The following RPS6KA3 variants were observed in gnomAD, a reference collection of about 807,000 sequenced individuals.
RPS6KA3 encodes ribosomal protein S6 kinase alpha-3.
RPS6KA3 carries 4 observed loss-of-function variants against 67.2 expected under a neutral mutation model. The ratio of observed to expected loss-of-function variants is 0.06; its 90% CI spans 0.03 to 0.14. The LOEUF (loss-of-function observed/expected upper bound fraction) is 0.14. Among genes scored for constraint, RPS6KA3 ranks in the 10% least tolerant of loss-of-function variants. The pLI is 1.00. For missense variants in RPS6KA3, 204 were observed against 559.0 expected, an observed-to-expected ratio of 0.36 and a Z score of 6.40; for synonymous variants, 182 against 183.7, an observed-to-expected ratio of 0.99 and a Z score of 0.07.
chrX:20,254,162 G>A (rs942416449), intron 1 of RPS6KA3, among the ~76,000 whole-genome samples: 9 of 111,681 alleles, frequency 8.1e-5, no homozygotes, highest in African/African-American at 2.6e-4. Context: ...ACCTGTATAC[G>A]TTACTTCACT....
At chrX:20,231,277 A>T (rs186492262) in intron 2 of RPS6KA3, among the ~76,000 whole-genome samples, 5 of 112,158 alleles carry the variant, frequency 4.5e-5, no homozygotes, top group African/African-American at 1.6e-4. Context: ...TAAAATTTTG[A>T]TAAAGAATGT....
At chrX:20,238,085 TTATCTTTTCTAGA>T (rs1306800676) in intron 1 of RPS6KA3, among the ~76,000 whole-genome samples, 30 of 111,559 alleles carry the variant, frequency 2.7e-4, no homozygotes, top group African/African-American at 9.7e-4. Context: ...ACCCTGAAAC[TTATCTTTTCTAGA>T]TAACTTAAGT....
At chrX:20,178,407 A>G (rs1480220990) in intron 10 of RPS6KA3, among the ~76,000 whole-genome samples, 1 of 110,419 alleles carries the variant, frequency 9.1e-6, no homozygotes, top group Non-Finnish European at 1.9e-5. Context: ...TATTTATTAT[A>G]TCCCCCTATT....
At chrX:20,171,445 G>C (rs2148656625) in intron 15 of RPS6KA3, among the ~76,000 whole-genome samples, 1 of 112,022 alleles carries the variant, frequency 8.9e-6, no homozygotes, top group Non-Finnish European at 1.9e-5. Context: ...GCTAATTTAA[G>C]AGATGACCTG....
intron 2 of RPS6KA3, among the ~76,000 whole-genome samples, chrX:20,217,376 T>C (rs1216793390): frequency 8.9e-6 from 1 of 112,954 alleles, no homozygotes; most frequent in Non-Finnish European, 1.9e-5. Flanking sequence ...ATCGAAAACC[T>C]AATATTGTAA....
At chrX:20,264,877 T>C (rs1217304158) in intron 1 of RPS6KA3, among the ~76,000 whole-genome samples, 1 of 112,375 alleles carries the variant, frequency 8.9e-6, no homozygotes, top group East Asian at 2.8e-4. Flanking sequence ...CTTTTAGCTA[T>C]ATTATTTAAT....
chrX:20,264,573 T>C (rs528143028), intron 1 of RPS6KA3, among the ~76,000 whole-genome samples: 3 of 112,326 alleles, frequency 2.7e-5, no homozygotes, highest in African/African-American at 9.7e-5. Flanking sequence ...ACCATAATCC[T>C]ACCCTGCTGG....
intron 1 of RPS6KA3, among the ~76,000 whole-genome samples, chrX:20,261,090 ATAGG>A (rs1198811944): frequency 9.1e-6 from 1 of 109,632 alleles, no homozygotes; most frequent in Admixed American, 9.7e-5. Context: ...CGTGGGACTC[ATAGG>A]TAGGGAGTTT....
At chrX:20,214,766 A>G (rs754450784) in intron 2 of RPS6KA3, among the ~76,000 whole-genome samples, 5 of 108,252 alleles carry the variant, frequency 4.6e-5, no homozygotes, top group Non-Finnish European at 7.7e-5. Flanking sequence ...CTAGTTGAAT[A>G]TTGTACGTCT....
At chrX:20,227,655 G>C (rs1424356295) in intron 2 of RPS6KA3, among the ~76,000 whole-genome samples, 1 of 109,997 alleles carries the variant, frequency 9.1e-6, no homozygotes, top group East Asian at 2.8e-4. Flanking sequence ...TTGTAATCTG[G>C]AGACTCATGG....
chrX:20,255,864 T>G (rs2070037105), intron 1 of RPS6KA3, among the ~76,000 whole-genome samples: 1 of 100,518 alleles, frequency 9.9e-6, no homozygotes, highest in South Asian at 4.8e-4. Flanking sequence ...ATCTCATCAC[T>G]TTGGGAGGCA....
chrX:20,153,119 C>G lies in RPS6KA3; in HGVS notation c.*2279G>C, dbSNP rs1332310650. The G allele has an allele frequency of 9.0e-6, 1 of 111,417 alleles. No individual in the cohort carries two copies. The highest frequency in any genetic ancestry group is 1.9e-5 in the Non-Finnish European group (1 of 53,074). The allele number at this position is 111,417 out of a possible 1,213,427, so 9.2% of individuals were successfully genotyped here. On this transcript the variant is annotated 3_prime_UTR_variant, in exon 22 of 22. Coordinates refer to ENST00000379565, the MANE Select transcript of RPS6KA3 (RefSeq NM_004586.3). ...CTCCTAAGCAATTACGGAGTAGCAT[C>G]AGTGTAAAAAAATCTGAAAATATAT... is the stretch of plus-strand genomic sequence containing the variant.
At chrX:20,157,662 C>T (rs1418662924) in intron 20 of RPS6KA3, among the ~76,000 whole-genome samples, 1 of 110,738 alleles carries the variant, frequency 9.0e-6, no homozygotes, top group Non-Finnish European at 1.9e-5. Context: ...CCTGACTGTA[C>T]TGTGTGAGGT....
chrX:20,185,888 T>G (rs1372083288), intron 10 of RPS6KA3, among the ~76,000 whole-genome samples: 2 of 112,275 alleles, frequency 1.8e-5, no homozygotes, highest in African/African-American at 6.5e-5. Context: ...CTTAGTTATT[T>G]CTTATACTAC....
intron 2 of RPS6KA3, among the ~76,000 whole-genome samples, chrX:20,223,569 T>C (rs1015260579): frequency 9.0e-6 from 1 of 111,473 alleles, no homozygotes; most frequent in African/African-American, 3.2e-5. Context: ...TATTAAGTTT[T>C]TGAAATTAAA....
chrX:20,183,483 T>C (rs1362011309), intron 10 of RPS6KA3, among the ~76,000 whole-genome samples: 2 of 111,586 alleles, frequency 1.8e-5, no homozygotes, highest in African/African-American at 6.5e-5. Context: ...TTTATACGAA[T>C]ATTTAACTTT....
At chrX:20,198,152 ACT>A (rs2068323834) in intron 4 of RPS6KA3, among the ~76,000 whole-genome samples, 1 of 111,834 alleles carries the variant, frequency 8.9e-6, no homozygotes, top group Non-Finnish European at 1.9e-5. Flanking sequence ...TGGATATTTT[ACT>A]CTCTACATTC....
At chrX:20,234,352 G>A (rs1261575114) in intron 2 of RPS6KA3, among the ~76,000 whole-genome samples, 1 of 111,106 alleles carries the variant, frequency 9.0e-6, no homozygotes, top group Non-Finnish European at 1.9e-5. Flanking sequence ...GTGAGCGCCT[G>A]TAATCCCAGC....
At chrX:20,218,108 C>T (rs1043253448) in intron 2 of RPS6KA3, among the ~76,000 whole-genome samples, 8 of 112,069 alleles carry the variant, frequency 7.1e-5, no homozygotes, top group South Asian at 3.7e-4. Context: ...TCTGGAATCC[C>T]GATCAGCAAA....
Sources: gnomAD v4.1 joint callset for allele counts (sites outside exome capture counted in the v4.1 genomes callset) on GRCh38, gnomAD v4.1.1 for gene constraint, MANE v1.5 for transcripts, NCBI Gene and HGNC (gene_info 2026-07-23, HGNC 2026-07-21) for gene names.